SERGEF: variants seen among roughly 807,000 people sequenced by gnomAD.
SERGEF encodes secretion regulating guanine nucleotide exchange factor, also known as secretion-regulating guanine nucleotide exchange factor.
Under a neutral mutation model 50.0 loss-of-function variants are expected in SERGEF, and 51 were observed. The observed-to-expected ratio is 1.02, with a 90% confidence interval of 0.81 to 1.29. The LOEUF (loss-of-function observed/expected upper bound fraction) is 1.29, where lower values mean the gene tolerates loss of function less well. Ranked by LOEUF, SERGEF falls within the 50% of genes most tolerant of loss-of-function variation. The probability of loss-of-function intolerance (pLI) is 0.00; values close to 1 mark genes in which losing one functional copy is unlikely to be tolerated. For missense variants in SERGEF, 521 were observed against 557.0 expected (o/e 0.94, Z 0.65); for synonymous variants, 205 against 212.4 (o/e 0.97, Z 0.30).
chr11:17,907,447 A>G (rs964018602), intron 9 of SERGEF, among the ~76,000 whole-genome samples: 1 of 152,250 alleles, frequency 6.6e-6, no homozygotes, highest in African/African-American at 2.4e-5. Context: ...TTGCATTTCA[A>G]TCTGCCTACA....
intron 10 of SERGEF, among the ~76,000 whole-genome samples, chr11:17,799,156 C>T (rs535950843): frequency 6.6e-6 from 1 of 152,260 alleles, no homozygotes; most frequent in South Asian, 2.1e-4. Context: ...GATTCTCAGT[C>T]ATCATCATCC....
chr11:17,916,793 T>C (rs549994569), intron 9 of SERGEF, among the ~76,000 whole-genome samples: 39 of 152,376 alleles, frequency 2.6e-4, no homozygotes, highest in Non-Finnish European at 5.3e-4. Context: ...ACAAATATCC[T>C]GGAGTGGAAC....
intron 8 of SERGEF, among the ~76,000 whole-genome samples, chr11:17,960,509 T>C (rs528108447): frequency 6.6e-6 from 1 of 152,314 alleles, no homozygotes; most frequent in South Asian, 2.1e-4. Context: ...CATAACCATG[T>C]GCGTTGTATA....
chr11:17,922,170 T>C (rs886352683), intron 9 of SERGEF, among the ~76,000 whole-genome samples: 3 of 152,194 alleles, frequency 2.0e-5, no homozygotes, highest in African/African-American at 4.8e-5. Flanking sequence ...GAATAGAGCA[T>C]ATCACTTTAC....
At chr11:17,910,793 TA>T (rs3835345) in intron 9 of SERGEF, among the ~76,000 whole-genome samples, 148,318 of 150,776 alleles carry the variant, frequency 0.98, 73,024 homozygotes, top group African/African-American at 1. Context: ...AAAGCCACTT[TA>T]AAAAAAAAAA....
intron 9 of SERGEF, among the ~76,000 whole-genome samples, chr11:17,880,495 A>G (rs1851316868): frequency 6.6e-6 from 1 of 152,236 alleles, no homozygotes; most frequent in African/African-American, 2.4e-5. Flanking sequence ...CATGATATGA[A>G]AAATTACATA....
Position 17,912,032 on chromosome 11 carries a change from T to A in SERGEF, c.1012-33788A>T, listed in dbSNP as rs528223467. ...GGGAACTAGAGAGGGGCTTGGTAAGTGGAGGTGGGAATACTGATTCCAGAA... is the reference window on the plus strand; with the variant it reads ...GGGAACTAGAGAGGGGCTTGGTAAGAGGAGGTGGGAATACTGATTCCAGAA... On this transcript the variant is annotated intron_variant, in intron 9 of 10. Coordinates refer to ENST00000265965, the MANE Select transcript of SERGEF (RefSeq NM_012139.4). 2.1e-4 allele frequency among the ~76,000 whole-genome samples: 32 copies of A among 152,202 alleles called. No homozygotes were observed. The South Asian group carries it at 6.7e-3, about 32-fold the overall frequency.
intron 8 of SERGEF, among the ~76,000 whole-genome samples, chr11:17,983,884 G>GGCCAAATAGAGGGAATATCA (rs1324886225): frequency 6.6e-6 from 1 of 151,940 alleles, no homozygotes; most frequent in Non-Finnish European, 1.5e-5. Flanking sequence ...ATGGATAAGT[G>GGCCAAATAGAGGGAATATCA]GCCAAATAGA....
At chr11:17,870,799 A>T (rs1851124428) in intron 10 of SERGEF, among the ~76,000 whole-genome samples, 1 of 152,232 alleles carries the variant, frequency 6.6e-6, no homozygotes. Flanking sequence ...AAAAGAACAA[A>T]GTAGGAGGGC....
chr11:17,948,976 C>A (rs561849134), intron 9 of SERGEF, among the ~76,000 whole-genome samples: 2 of 152,290 alleles, frequency 1.3e-5, no homozygotes, highest in East Asian at 3.9e-4. Flanking sequence ...CCACCACTGG[C>A]AGTGTCCCCA....
rs144848599 is a variant in SERGEF at position 17,828,836 on chromosome 11, C to T, written c.1049-40423G>A. Among the ~76,000 whole-genome samples, 6 of 152,244 alleles carry T rather than the reference C, an allele frequency of 3.9e-5. No individual in the cohort carries two copies. In the East Asian group the frequency reaches 9.6e-4, roughly 24 times the overall value. The stretch of plus-strand genomic sequence containing the variant: ...ATACGACATTCAACCCCTGCTTCCC[C>T]GAGAGTCCCTACAGGCTCATCAAGG... On this transcript the variant is annotated intron_variant, in intron 10 of 10. Coordinates refer to ENST00000265965, the MANE Select transcript of SERGEF (RefSeq NM_012139.4).
At chr11:17,803,822 C>G (rs1304875518) in intron 10 of SERGEF, among the ~76,000 whole-genome samples, 2 of 152,196 alleles carry the variant, frequency 1.3e-5, no homozygotes, top group Non-Finnish European at 2.9e-5. Flanking sequence ...CTCCATGGAC[C>G]CCTTGCATGG....
At chr11:17,988,571 C>A (rs1853645421) in intron 8 of SERGEF, 26 bp downstream of exon 8, 2 of 1,611,236 alleles carry the variant, frequency 1.2e-6, no homozygotes, top group African/African-American at 1.3e-5. Context: ...CTCTTACCAA[C>A]CGTAAGTTCT....
chr11:17,875,135 C>T (rs1419200501), intron 10 of SERGEF, among the ~76,000 whole-genome samples: 1 of 152,150 alleles, frequency 6.6e-6, no homozygotes, highest in African/African-American at 2.4e-5. Flanking sequence ...CAATCTGTCC[C>T]CAGTGCCTGA....
chr11:17,943,175 T>C (rs1319332378), intron 9 of SERGEF, among the ~76,000 whole-genome samples: 1 of 152,168 alleles, frequency 6.6e-6, no homozygotes, highest in Non-Finnish European at 1.5e-5. Context: ...AAATATCTGA[T>C]AAAGTTTATT....
chr11:17,829,083 A>C (rs1051321252), intron 10 of SERGEF, among the ~76,000 whole-genome samples: 1 of 152,226 alleles, frequency 6.6e-6, no homozygotes, highest in Non-Finnish European at 1.5e-5. Flanking sequence ...AGTGTTTTCC[A>C]GTTAATATGG....
chr11:17,877,922 C>A (rs1365722413), intron 10 of SERGEF: 26 of 304,552 alleles, frequency 8.5e-5, no homozygotes, highest in Non-Finnish European at 1.3e-4. Context: ...GCTTTCTACA[C>A]ATGGTGCCCC....
intron 10 of SERGEF, among the ~76,000 whole-genome samples, chr11:17,835,463 C>T (rs139368421): frequency 1.2e-3 from 182 of 152,344 alleles, no homozygotes; most frequent in Non-Finnish European, 2.1e-3. Context: ...TCCGACACTC[C>T]TACCCCTGGA....
intron 4 of SERGEF, chr11:18,002,079 C>T (rs139851162): frequency 4.0e-5 from 18 of 455,312 alleles, no homozygotes; most frequent in African/African-American, 3.2e-4. Context: ...AGTCCACAAT[C>T]ACATTAGCTT....
Sources: gnomAD v4.1 joint callset for allele counts (sites outside exome capture counted in the v4.1 genomes callset) on GRCh38, gnomAD v4.1.1 for gene constraint, MANE v1.5 for transcripts, NCBI Gene and HGNC (gene_info 2026-07-23, HGNC 2026-07-21) for gene names.